RALGAPA2: variants seen among roughly 807,000 people sequenced by gnomAD.
The protein encoded by RALGAPA2 is Ral GTPase activating protein catalytic subunit alpha 2.
Under a neutral mutation model 230.4 loss-of-function variants are expected in RALGAPA2, and 139 were observed. That is an observed-to-expected ratio of 0.60 (90% CI 0.53 to 0.69). The LOEUF (loss-of-function observed/expected upper bound fraction) is 0.69. Among genes scored for constraint, RALGAPA2 ranks in the 30% least tolerant of loss-of-function variants. RALGAPA2 has a pLI of 0.00. For synonymous variants in RALGAPA2, 847 were observed against 837.8 expected, an observed-to-expected ratio of 1.01 and a Z score of -0.19; for missense variants, 2,163 against 2,276.0, an observed-to-expected ratio of 0.95 and a Z score of 1.01.
intron 2 of RALGAPA2, among the ~76,000 whole-genome samples, chr20:20,679,394 C>T (rs73296935): frequency 6.6e-6 from 1 of 152,280 alleles, no homozygotes; most frequent in African/African-American, 2.4e-5. Flanking sequence ...CTGGATCAGG[C>T]ATCACCATCC....
intron 16 of RALGAPA2, among the ~76,000 whole-genome samples, chr20:20,591,753 C>T (rs1322681418): frequency 6.6e-6 from 1 of 152,030 alleles, no homozygotes; most frequent in Non-Finnish European, 1.5e-5. Flanking sequence ...ATTTCTACTG[C>T]ATTATGCCTT....
intron 16 of RALGAPA2, among the ~76,000 whole-genome samples, chr20:20,593,410 A>C (rs780373416): frequency 3.3e-5 from 5 of 152,240 alleles, no homozygotes; most frequent in Non-Finnish European, 7.3e-5. Context: ...TACACATCCC[A>C]AAGTACAGAC....
chr20:20,709,522 T>C (rs1420700917), intron 1 of RALGAPA2, among the ~76,000 whole-genome samples: 2 of 152,114 alleles, frequency 1.3e-5, no homozygotes, highest in Non-Finnish European at 2.9e-5. Flanking sequence ...GCTGGAGCAA[T>C]ATGGTAATAC....
At chr20:20,602,279 C>T (rs1269569244) in intron 15 of RALGAPA2, among the ~76,000 whole-genome samples, 1 of 152,198 alleles carries the variant, frequency 6.6e-6, no homozygotes, top group African/African-American at 2.4e-5. Flanking sequence ...CACAAATCCC[C>T]AGAGCAATCC....
At chr20:20,539,283 C>G (rs1286848189) in intron 24 of RALGAPA2, among the ~76,000 whole-genome samples, 1 of 152,148 alleles carries the variant, frequency 6.6e-6, no homozygotes, top group African/African-American at 2.4e-5. Flanking sequence ...AAAATTCTGA[C>G]TGAGCAGGTG....
chr20:20,701,363 C>CAAGATGAAA (rs1330409358), intron 1 of RALGAPA2, among the ~76,000 whole-genome samples: 2 of 152,044 alleles, frequency 1.3e-5, no homozygotes, highest in Non-Finnish European at 2.9e-5. Context: ...CAACAGAAAT[C>CAAGATGAAA]AAGATGAAAA....
At chr20:20,642,904 C>T (rs2067089205) in intron 5 of RALGAPA2, among the ~76,000 whole-genome samples, 1 of 152,092 alleles carries the variant, frequency 6.6e-6, no homozygotes, top group Admixed American at 6.6e-5. Flanking sequence ...ATATTCATCC[C>T]AGGCTGAATT....
chr20:20,552,704 A>G (rs16981977), intron 23 of RALGAPA2, among the ~76,000 whole-genome samples: 1,678 of 152,280 alleles, frequency 0.011, 25 homozygotes, highest in African/African-American at 0.039. Context: ...TTGTGGACAT[A>G]TTTTTAAGTA....
chr20:20,586,972 C>T (rs2065151430), intron 18 of RALGAPA2, among the ~76,000 whole-genome samples: 2 of 151,890 alleles, frequency 1.3e-5, no homozygotes, highest in South Asian at 4.2e-4. Context: ...GGTGGAGATA[C>T]CACTGTACCA....
intron 36 of RALGAPA2, among the ~76,000 whole-genome samples, chr20:20,483,106 A>T (rs1288505895): frequency 6.6e-6 from 1 of 152,172 alleles, no homozygotes; most frequent in Admixed American, 6.5e-5. Context: ...TGAGAATTGG[A>T]AAGGCTGCAG....
At chr20:20,670,949 C>CAA (rs576675004) in intron 3 of RALGAPA2, among the ~76,000 whole-genome samples, 23 of 55,596 alleles carry the variant, frequency 4.1e-4, no homozygotes, top group Non-Finnish European at 3.5e-4. Flanking sequence ...GACTCCGTCT[C>CAA]AAAAAAAAAA....
chr20:20,426,710 G>C (rs6035625), intron 37 of RALGAPA2, among the ~76,000 whole-genome samples: 2 of 152,042 alleles, frequency 1.3e-5, no homozygotes, highest in Non-Finnish European at 2.9e-5. Context: ...GCCCTTTTAC[G>C]AATGCACCTC....
rs1220566815 is a variant in RALGAPA2 at position 20,643,541 on chromosome 20, A to C, written c.337T>G (p.Leu113Val). ...RWHYQSIGST[L>V]KKLLHTGNSI... ...TTTCCAGTGTGTAGAAGCTTCTTTAAAGTTGAGCCTGAAAGTTTAAAATAA... is the reference window on the plus strand; with the variant it reads ...TTTCCAGTGTGTAGAAGCTTCTTTACAGTTGAGCCTGAAAGTTTAAAATAA... Residue 113 changes from leucine to valine, a missense_variant, in exon 5 of 40, where the codon TTA (leucine) becomes GTA (valine). Transcript: ENST00000202677. 3.4e-6 allele frequency: 5 copies of C among 1,471,598 alleles called. No individual in the cohort carries two copies. Among genetic ancestry groups the C allele is most frequent in the Non-Finnish European group, 4.6e-6 (5 of 1,088,810 alleles). 91.2% of individuals were successfully genotyped at this position (1,471,598 alleles called of 1,614,324 possible). A position where few individuals can be genotyped will look rare whatever the true frequency, so the allele number is the denominator to read the frequency against.
chr20:20,516,911 T>C (rs2062888362), intron 31 of RALGAPA2, among the ~76,000 whole-genome samples: 1 of 152,230 alleles, frequency 6.6e-6, no homozygotes, highest in East Asian at 1.9e-4. Context: ...CACATCTTTC[T>C]GCCGGTTGGA....
rs556523365 is a variant in RALGAPA2 at position 20,473,684 on chromosome 20, A to C, written c.5368-728T>G. Among the ~76,000 whole-genome samples, 4 of 152,030 alleles carry C rather than the reference A, an allele frequency of 2.6e-5. No individual in the cohort carries two copies. The South Asian group carries it at 8.3e-4, about 32-fold the overall frequency. On this transcript the variant is annotated intron_variant, in intron 36 of 39. Transcript: ENST00000202677. ...AGACTGGCTTTTCTTAGCTGAACCC[A>C]TTTCTGTTATGTGGAAAACTCACAA...
Position 20,536,678 on chromosome 20 carries a change from A to G in RALGAPA2, c.3392T>C (p.Ile1131Thr), listed in dbSNP as rs1412247718. The G allele has an allele frequency of 6.2e-7, 1 of 1,612,762 alleles. No individual in the cohort carries two copies. The highest frequency in any genetic ancestry group is 8.5e-7 in the Non-Finnish European group (1 of 1,179,062). ...LQSVPEVNEA[I>T]TGTEDVKHYL... ...TACCTTGACATCTTCAGTTCCTGTA[A>G]TGGCCTCATTTACTTCTGGCACTGA... The change falls in exon 25 of 40, where the codon ATT (isoleucine) becomes ACT (threonine). Residue 1131 changes from isoleucine (I) to threonine (T), a missense_variant. Transcript: ENST00000202677.
rs541168624 is a variant in RALGAPA2, at chr20:20,702,799, TCAAACACAATATC to T, written c.106+9563_106+9575del. Among the ~76,000 whole-genome samples the T allele has an allele frequency of 1.4e-4, 21 of 152,292 alleles. No homozygotes were observed. In the East Asian group the frequency reaches 3.5e-3, roughly 25 times the overall value. On this transcript the variant is annotated intron_variant, in intron 1 of 39. Transcript: ENST00000202677. Reference sequence around the variant, plus strand: ...AATGAATATGTGTCATCACCTGAAATCAAACACAATATCCATGGGCTCCTGAACTTTATCAAAA... The same window carrying T: ...AATGAATATGTGTCATCACCTGAAATCATGGGCTCCTGAACTTTATCAAAA...
chr20:20,690,483 C>T (rs892859819), intron 1 of RALGAPA2, among the ~76,000 whole-genome samples: 1 of 152,108 alleles, frequency 6.6e-6, no homozygotes, highest in African/African-American at 2.4e-5. Flanking sequence ...CCTGGGAAAT[C>T]CAATTCCCAC....
rs748789246 is a variant in RALGAPA2 at position 20,495,138 on chromosome 20, G to T, written c.5346C>A (p.Ile1782=). The part of the protein sequence containing the change: ...IYPMKNHMFF[I]AITKKPEVPF... The stretch of plus-strand genomic sequence containing the variant: ...GTACCTCAGGTTTCTTCGTTATCGC[G>T]ATGAAGAACATGTGATTCTTCATTG... The change falls in exon 36 of 40, where the codon ATC becomes ATA. Residue 1782 remains isoleucine, a synonymous_variant. Coordinates refer to ENST00000202677, the MANE Select transcript of RALGAPA2 (RefSeq NM_020343.4). The T allele has an allele frequency of 1.9e-6, 3 of 1,607,268 alleles. No homozygotes were observed. Among genetic ancestry groups the T allele is most frequent in the Admixed American group, 3.3e-5 (2 of 59,838 alleles).
Sources: gnomAD v4.1 joint callset for allele counts (sites outside exome capture counted in the v4.1 genomes callset) on GRCh38, gnomAD v4.1.1 for gene constraint, MANE v1.5 for transcripts, NCBI Gene and HGNC (gene_info 2026-07-23, HGNC 2026-07-21) for gene names.